LHPP: variants seen among roughly 807,000 people sequenced by gnomAD.
LHPP encodes hLHPP.
Under a neutral mutation model 30.3 loss-of-function variants are expected in LHPP, and 24 were observed. The ratio of observed to expected loss-of-function variants is 0.79; its 90% CI spans 0.57 to 1.11. The LOEUF (loss-of-function observed/expected upper bound fraction) is 1.11. LHPP is among the 50% of genes most tolerant of loss of function. The probability of loss-of-function intolerance (pLI) is 0.00; values close to 1 mark genes in which losing one functional copy is unlikely to be tolerated. For synonymous variants in LHPP, 150 were observed against 157.1 expected (o/e 0.95, Z 0.34); for missense variants, 356 against 367.2 (o/e 0.97, Z 0.25).
In LHPP at chr10:124,529,022, GATTCTT is replaced by G. The variant is rs1168004470; in HGVS notation, c.716+11752_716+11757del. On this transcript the variant is annotated intron_variant, in intron 6 of 6. Transcript: ENST00000368842. ...CTGCCCTGGGTTTGTGAATTTGGGGGATTCTTTTTTTTTTTTTTTTTTTTTTTGAGA... is the reference window on the plus strand; with the variant it reads ...CTGCCCTGGGTTTGTGAATTTGGGGGTTTTTTTTTTTTTTTTTTTTTGAGA... Among the ~76,000 whole-genome samples the G allele has an allele frequency of 6.3e-5, 8 of 127,532 alleles. 1 individual carries two copies. Among genetic ancestry groups the G allele is most frequent in the South Asian group, 2.5e-4 (1 of 4,000 alleles). The allele number at this position is 127,532 out of a possible 152,430, so 83.7% of individuals were successfully genotyped here.
At chr10:124,607,434 CGG>C (rs1949109995) in intron 6 of LHPP, among the ~76,000 whole-genome samples, 1 of 152,264 alleles carries the variant, frequency 6.6e-6, no homozygotes, top group South Asian at 2.1e-4. Context: ...AAACACCGGC[CGG>C]GTGCTAATGC....
At chr10:124,494,189 C>T (rs80250865) in intron 3 of LHPP, among the ~76,000 whole-genome samples, 76 of 152,252 alleles carry the variant, frequency 5.0e-4, no homozygotes, top group African/African-American at 1.4e-3. Flanking sequence ...CTTTCGCTTT[C>T]GAAGAGGCTG....
chr10:124,601,176 G>A (rs777633873), intron 6 of LHPP, among the ~76,000 whole-genome samples: 2 of 152,188 alleles, frequency 1.3e-5, no homozygotes, highest in Non-Finnish European at 2.9e-5. Flanking sequence ...CTAGAGTGAC[G>A]TGTGCCTGGC....
chr10:124,490,527 C>T (rs147960276), intron 3 of LHPP: 42 of 353,796 alleles, frequency 1.2e-4, no homozygotes, highest in East Asian at 9.1e-4. Context: ...GTGACTCCCT[C>T]CTTAAAAAGG....
At chr10:124,533,592 C>A (rs1564814909) in intron 6 of LHPP, among the ~76,000 whole-genome samples, 1 of 152,234 alleles carries the variant, frequency 6.6e-6, no homozygotes, top group Non-Finnish European at 1.5e-5. Context: ...AGGTCAAGGC[C>A]TACTGCATGG....
intron 6 of LHPP, among the ~76,000 whole-genome samples, chr10:124,577,160 CAGG>C (rs1314470020): frequency 2.6e-5 from 4 of 152,158 alleles, no homozygotes; most frequent in Non-Finnish European, 5.9e-5. Context: ...CGTGCTGGAC[CAGG>C]AGAAGGGCCA....
intron 6 of LHPP, among the ~76,000 whole-genome samples, chr10:124,542,320 G>A (rs1318254158): frequency 2.0e-5 from 3 of 152,212 alleles, no homozygotes; most frequent in Non-Finnish European, 4.4e-5. Flanking sequence ...CAGCACTTAT[G>A]TGTTTACAGA....
chr10:124,584,589 C>G (rs183132489), intron 6 of LHPP, among the ~76,000 whole-genome samples: 1 of 152,162 alleles, frequency 6.6e-6, no homozygotes, highest in Non-Finnish European at 1.5e-5. Context: ...TAATCCTGTT[C>G]ATGAGAGCAG....
At position 124,494,477 on chromosome 10, in the gene LHPP, G is replaced by T. The variant is rs189312260; in HGVS notation, c.468-2484G>T. On this transcript the variant is annotated intron_variant, in intron 3 of 6. Transcript: ENST00000368842. ...GGGGTATATTCTTTCCTCCGTCCTG[G>T]CTTACTTCCACACATCACTTCATTA... Among the ~76,000 whole-genome samples, 8 of 152,288 alleles carry T rather than the reference G, an allele frequency of 5.3e-5. No individual in the cohort carries two copies. In the East Asian group the frequency reaches 1.5e-3, roughly 29 times the overall value.
intron 3 of LHPP, chr10:124,490,501 ATTC>A (rs908626137): frequency 8.5e-6 from 3 of 354,902 alleles, no homozygotes; most frequent in African/African-American, 6.5e-5. Context: ...GCAGGTGGAC[ATTC>A]TTCTTGGCTA....
intron 5 of LHPP, 175 bp downstream of exon 5, chr10:124,498,303 C>A: frequency 6.3e-7 from 1 of 1,577,670 alleles, no homozygotes. Context: ...CAAACGAAAT[C>A]CACTGAATAG....
At chr10:124,488,264 C>T (rs2133855883) in intron 2 of LHPP, among the ~76,000 whole-genome samples, 158 bp from the exon 3 acceptor site, 1 of 152,270 alleles carries the variant, frequency 6.6e-6, no homozygotes, top group East Asian at 1.9e-4. Context: ...ATAGGAATAA[C>T]CCTTCTGTGT....
At chr10:124,572,695 AAGGAAGGGAGGGAGGGAGAAAGG>A (rs1441636674) in intron 6 of LHPP, among the ~76,000 whole-genome samples, 8 of 141,784 alleles carry the variant, frequency 5.6e-5, no homozygotes, top group Non-Finnish European at 1.2e-4. Context: ...GGGAGGGAGG[AAGGAAGGGAGGGAGGGAGAAAGG>A]AGGAAGGGAG....
At chr10:124,570,804 C>A (rs1948573395) in intron 6 of LHPP, among the ~76,000 whole-genome samples, 1 of 152,216 alleles carries the variant, frequency 6.6e-6, no homozygotes, top group South Asian at 2.1e-4. Flanking sequence ...CAGAGTTTCA[C>A]TTCTTTTTGT....
rs1211450306 is a variant in LHPP, at chr10:124,478,636, G to A, written c.126-5503G>A. ...TGGCAGATGCCAACAGCCAGCAGATGTGGAGAGTCCGAGGTGATTTGTAAG... is the reference window on the plus strand; with the variant it reads ...TGGCAGATGCCAACAGCCAGCAGATATGGAGAGTCCGAGGTGATTTGTAAG... On this transcript the variant is annotated intron_variant, in intron 1 of 6. Transcript: ENST00000368842. This position sits in a 1 kb window ranked among gnomAD's most constrained non-coding sequence, Gnocchi z 4.7. 6.6e-6 allele frequency among the ~76,000 whole-genome samples: 1 copy of A among 152,246 alleles called. No individual in the cohort carries two copies. The highest frequency in any genetic ancestry group is 2.4e-5 in the African/African-American group (1 of 41,464).
intron 6 of LHPP, among the ~76,000 whole-genome samples, chr10:124,575,912 G>C (rs976512046): frequency 1.3e-5 from 2 of 152,212 alleles, no homozygotes; most frequent in Admixed American, 1.3e-4. Context: ...CAGAGAGCCA[G>C]GGCTGGGTGA....
At chr10:124,470,690 T>TAATAATAAC (rs1952706014) in intron 1 of LHPP, among the ~76,000 whole-genome samples, 1 of 140,808 alleles carries the variant, frequency 7.1e-6, no homozygotes, top group African/African-American at 2.6e-5. Context: ...ACAATAATAA[T>TAATAATAAC]AATGTAGGCT....
chr10:124,506,937 T>G (rs1589807678), intron 5 of LHPP, among the ~76,000 whole-genome samples: 1 of 8,366 alleles, frequency 1.2e-4, no homozygotes, highest in Non-Finnish European at 1.9e-4. Context: ...GGATTTCAGG[T>G]GGGGGGGTAG....
rs568611281 is a variant in LHPP, at chr10:124,523,491, G to T, written c.716+6220G>T. On this transcript the variant is annotated intron_variant, in intron 6 of 6. Coordinates refer to ENST00000368842, the MANE Select transcript of LHPP (RefSeq NM_022126.4). This position sits in a 1 kb window ranked among gnomAD's most constrained non-coding sequence, Gnocchi z 4.2. ...CTTGTCCTGGGTCTTCCCAGACTTC[G>T]CAGTGACGGATTTCAGAGTGTTTCC... Among the ~76,000 whole-genome samples, 1 of 152,260 alleles carries T rather than the reference G, an allele frequency of 6.6e-6. No individual in the cohort carries two copies. The highest frequency in any genetic ancestry group is 1.5e-5 in the Non-Finnish European group (1 of 68,044).
Sources: allele counts gnomAD v4.1 joint callset (sites outside exome capture counted in the v4.1 genomes callset), GRCh38; gene constraint gnomAD v4.1.1; non-coding constraint Gnocchi (gnomAD v3.1); transcripts MANE v1.5; gene names NCBI Gene and HGNC (gene_info 2026-07-23, HGNC 2026-07-21).